TMEM132E: variants seen among roughly 807,000 people sequenced by gnomAD.
TMEM132E encodes the protein transmembrane protein 132E.
Under a neutral mutation model 78.5 loss-of-function variants are expected in TMEM132E, and 49 were observed. That is an observed-to-expected ratio of 0.62 (90% CI 0.50 to 0.79). The LOEUF (loss-of-function observed/expected upper bound fraction) is 0.79, where lower values mean the gene tolerates loss of function less well. Ranked by LOEUF, TMEM132E falls within the 30% of genes least tolerant of loss-of-function variation. TMEM132E has a pLI of 0.00. For synonymous variants in TMEM132E, 715 were observed against 670.6 expected, an observed-to-expected ratio of 1.07 and a Z score of -1.02; for missense variants, 1,403 against 1,470.9, an observed-to-expected ratio of 0.95 and a Z score of 0.75.
At chr17:34,632,494 G>C (rs1039898457) in intron 5 of TMEM132E, among the ~76,000 whole-genome samples, 3 of 152,214 alleles carry the variant, frequency 2.0e-5, no homozygotes, top group Non-Finnish European at 2.9e-5. Context: ...TCCTCCCCCA[G>C]TGGGCACCAA....
chr17:34,621,028 A>T (rs1446210145), intron 1 of TMEM132E, among the ~76,000 whole-genome samples: 2 of 152,184 alleles, frequency 1.3e-5, no homozygotes, highest in Non-Finnish European at 2.9e-5. Flanking sequence ...GAGGCTGGGG[A>T]GAGCTGGGAA....
At chr17:34,599,392 G>C (rs1336352279) in intron 1 of TMEM132E, among the ~76,000 whole-genome samples, 2 of 152,244 alleles carry the variant, frequency 1.3e-5, no homozygotes, top group Non-Finnish European at 1.5e-5. Context: ...CTCACCTTCA[G>C]GGCTGGTTTA....
Position 34,581,036 on chromosome 17 carries a change from G to T in TMEM132E, c.-41G>T, listed in dbSNP as rs760313358. The T allele has an allele frequency of 4.6e-6, 7 of 1,510,912 alleles. No homozygotes were observed. Among genetic ancestry groups the T allele is most frequent in the Middle Eastern group, 1.7e-4 (1 of 5,784 alleles). 93.6% of individuals were successfully genotyped at this position (1,510,912 alleles called of 1,614,324 possible). ...CCCAGCCTGGGGCCAAGTCGTCGTC[G>T]ACTGTTGCTCTCTCGGACCCCTCCC... On this transcript the variant is annotated 5_prime_UTR_variant, in exon 1 of 9. Transcript: ENST00000631683.
chr17:34,631,726 C>G (rs1907355398), intron 5 of TMEM132E, among the ~76,000 whole-genome samples: 1 of 152,152 alleles, frequency 6.6e-6, no homozygotes, highest in African/African-American at 2.4e-5. Flanking sequence ...AGTCCCAGAG[C>G]CCCTGGGTCC....
chr17:34,583,211 C>T (rs971587891), intron 1 of TMEM132E, among the ~76,000 whole-genome samples: 1 of 152,230 alleles, frequency 6.6e-6, no homozygotes, highest in Non-Finnish European at 1.5e-5. Context: ...GGGCAGAGGG[C>T]TTGGCTGCCT....
intron 8 of TMEM132E, among the ~76,000 whole-genome samples, chr17:34,636,528 C>T (rs1907526793): frequency 6.6e-6 from 1 of 152,168 alleles, no homozygotes; most frequent in African/African-American, 2.4e-5. Context: ...ACAGGCATAG[C>T]CACAGGATGA....
At chr17:34,596,561 G>A (rs1284520444) in intron 1 of TMEM132E, among the ~76,000 whole-genome samples, 1 of 152,132 alleles carries the variant, frequency 6.6e-6, no homozygotes, top group Non-Finnish European at 1.5e-5. Flanking sequence ...GGGAAACTGA[G>A]GCAGGGAATG....
intron 1 of TMEM132E, among the ~76,000 whole-genome samples, chr17:34,590,006 T>A (rs899704864): frequency 1.3e-5 from 2 of 152,206 alleles, no homozygotes; most frequent in African/African-American, 2.4e-5. Flanking sequence ...GCCAGCCCCA[T>A]GCATGAGAGG....
chr17:34,590,429 C>T (rs1905832191), intron 1 of TMEM132E, among the ~76,000 whole-genome samples: 1 of 152,190 alleles, frequency 6.6e-6, no homozygotes, highest in African/African-American at 2.4e-5. Flanking sequence ...TGACATGTTG[C>T]AAAGGATACA....
At chr17:34,636,305 A>G (rs1018987630) in intron 8 of TMEM132E, 107 bp downstream of exon 8, 24 of 1,136,374 alleles carry the variant, frequency 2.1e-5, no homozygotes, top group Admixed American at 4.1e-5. Context: ...GGGCTTTAGG[A>G]AATGGAGGAT....
chr17:34,604,577 C>T (rs551809320), intron 1 of TMEM132E, among the ~76,000 whole-genome samples: 122 of 152,144 alleles, frequency 8.0e-4, no homozygotes, highest in African/African-American at 2.7e-3. Flanking sequence ...TGTGCGCACC[C>T]TCTGCCCCCT....
At chr17:34,604,128 G>T (rs1348258421) in intron 1 of TMEM132E, among the ~76,000 whole-genome samples, 1 of 152,174 alleles carries the variant, frequency 6.6e-6, no homozygotes. Context: ...TACTTGTACT[G>T]TCTTCACTTC....
At chr17:34,620,729 A>G (rs1188307426) in intron 1 of TMEM132E, among the ~76,000 whole-genome samples, 1 of 152,222 alleles carries the variant, frequency 6.6e-6, no homozygotes, top group African/African-American at 2.4e-5. Context: ...AGAGCAGAAC[A>G]GTGGCAGAGA....
intron 1 of TMEM132E, among the ~76,000 whole-genome samples, chr17:34,596,417 G>A (rs8068807): frequency 0.71 from 107,687 of 151,970 alleles, 38,751 homozygotes; most frequent in African/African-American, 0.84. Flanking sequence ...CTCAGGAGAC[G>A]GTGTCCTCTA....
chr17:34,623,016 G>T (rs764208836), intron 1 of TMEM132E, among the ~76,000 whole-genome samples: 2 of 152,046 alleles, frequency 1.3e-5, no homozygotes, highest in African/African-American at 4.8e-5. Context: ...GAGGGGGAGA[G>T]AAACATTGAA....
At chr17:34,592,613 T>C (rs776118905) in intron 1 of TMEM132E, among the ~76,000 whole-genome samples, 3 of 152,242 alleles carry the variant, frequency 2.0e-5, no homozygotes, top group African/African-American at 7.2e-5. Context: ...TATTACTCTT[T>C]CGTTTCAGTT....
chr17:34,589,544 T>A (rs916040830), intron 1 of TMEM132E, among the ~76,000 whole-genome samples: 2 of 152,216 alleles, frequency 1.3e-5, no homozygotes, highest in African/African-American at 4.8e-5. Flanking sequence ...TTGTTTGGCC[T>A]GTCTGATCTT....
At chr17:34,604,573 C>T (rs78414970) in intron 1 of TMEM132E, among the ~76,000 whole-genome samples, 3,385 of 152,126 alleles carry the variant, frequency 0.022, 55 homozygotes, top group Non-Finnish European at 0.031. Context: ...CACATGTGCG[C>T]ACCCTCTGCC....
intron 1 of TMEM132E, among the ~76,000 whole-genome samples, chr17:34,595,816 T>G (rs905904290): frequency 6.6e-6 from 1 of 152,220 alleles, no homozygotes; most frequent in African/African-American, 2.4e-5. Flanking sequence ...TGGTCACAGC[T>G]GTGGGTAACC....
Sources: gnomAD v4.1 joint callset for allele counts (sites outside exome capture counted in the v4.1 genomes callset) on GRCh38, gnomAD v4.1.1 for gene constraint, MANE v1.5 for transcripts, NCBI Gene and HGNC (gene_info 2026-07-23, HGNC 2026-07-21) for gene names.